The following DGKK variants were observed in gnomAD, a reference collection of about 807,000 sequenced individuals.
The protein encoded by DGKK is 142 kDa diacylglycerol kinase.
A neutral mutation model predicts 92.2 loss-of-function variants in DGKK; 35 were observed. That is an observed-to-expected ratio of 0.38 (90% CI 0.29 to 0.50). DGKK has a LOEUF of 0.50. Among genes scored for constraint, DGKK ranks in the 20% least tolerant of loss-of-function variants. The probability of loss-of-function intolerance (pLI) is 0.92; values close to 1 mark genes in which losing one functional copy is unlikely to be tolerated. For synonymous variants in DGKK, 368 were observed against 360.6 expected (o/e 1.02, Z -0.23); for missense variants, 910 against 992.2 (o/e 0.92, Z 1.11).
chrX:50,403,017 C>T (rs781848074), intron 7 of DGKK, 44 bp downstream of exon 7: 2 of 1,194,727 alleles, frequency 1.7e-6, no homozygotes, highest in Admixed American at 2.2e-5. Flanking sequence ...CACTCCCTCG[C>T]CAGGAGTTAA....
intron 1 of DGKK, among the ~76,000 whole-genome samples, chrX:50,434,980 G>A (rs189319366): frequency 1.8e-5 from 2 of 112,256 alleles, no homozygotes; most frequent in East Asian, 5.6e-4. Context: ...TAGATACCTA[G>A]ATGGTATTGC....
At chrX:50,376,440 G>A (rs1924274543) in intron 23 of DGKK, among the ~76,000 whole-genome samples, 1 of 111,760 alleles carries the variant, frequency 8.9e-6, no homozygotes, top group African/African-American at 3.3e-5. Context: ...AACAGAGGAG[G>A]GCAGCTGACT....
At chrX:50,393,404 T>A in intron 8 of DGKK, 69 bp from the exon 9 acceptor site, 1 of 906,068 alleles carries the variant, frequency 1.1e-6, no homozygotes, top group Non-Finnish European at 1.5e-6. Context: ...AGACATGACT[T>A]AACATCACAT....
intron 1 of DGKK, among the ~76,000 whole-genome samples, chrX:50,464,141 G>T (rs1351700400): frequency 6.1e-5 from 6 of 97,700 alleles, no homozygotes; most frequent in Admixed American, 3.3e-4. Context: ...AAAAAAATCG[G>T]TTTTTTTTTT....
rs782604111 is a variant in DGKK at position 50,422,640 on chromosome X, T to C, written c.757-114A>G. 128 of 374,482 alleles carry C rather than the reference T, an allele frequency of 3.4e-4. 2 individuals carry two copies. The highest frequency in any genetic ancestry group is 1.1e-3 in the Middle Eastern group (2 of 1,758). 30.9% of individuals were successfully genotyped at this position (374,482 alleles called of 1,213,427 possible). ...CACACACACACACACACACACTTAC[T>C]GACAGGCATTTGTGGCAGTCATGAT... On this transcript the variant is annotated intron_variant, in intron 2 of 27. Transcript: ENST00000611977.
At chrX:50,464,383 C>A (rs1467239943) in intron 1 of DGKK, among the ~76,000 whole-genome samples, 1 of 109,795 alleles carries the variant, frequency 9.1e-6, no homozygotes, top group African/African-American at 3.3e-5. Context: ...TCCCGCACCC[C>A]CCGCGCCCCT....
At position 50,374,999 on chromosome X, in the gene DGKK, T is replaced by A; in HGVS notation, c.3473A>T (p.Asp1158Val). ...CTTTTCATCCAGGAAAGCTGTGGTG[T>A]CATCGTAGAGACCTTTAAGACTAAA... ...VTFSLKGLYDDTTAFLDEKLL... is the reference protein window; with the variant it reads ...VTFSLKGLYDVTTAFLDEKLL... Residue 1158 changes from aspartate to valine, a missense_variant, in exon 25 of 28, where the codon GAC (aspartate) becomes GTC (valine). Physicochemically the swap from Asp to Val is radical, Grantham distance 152 (BLOSUM62 -3). Coordinates refer to ENST00000611977, the MANE Select transcript of DGKK (RefSeq NM_001013742.4). The A allele has an allele frequency of 8.3e-7, 1 of 1,209,904 alleles. No homozygotes were observed. Among genetic ancestry groups the A allele is most frequent in the Non-Finnish European group, 1.1e-6 (1 of 894,493 alleles).
At chrX:50,432,908 G>A (rs915102803) in intron 1 of DGKK, among the ~76,000 whole-genome samples, 24 of 111,638 alleles carry the variant, frequency 2.1e-4, no homozygotes, top group Middle Eastern at 4.6e-3. Context: ...TCCTAGGGAG[G>A]GTAAGGATCA....
chrX:50,447,328 A>ATATATATATATATAT (rs1557231986), intron 1 of DGKK, among the ~76,000 whole-genome samples: 1,156 of 19,196 alleles, frequency 0.06, 120 homozygotes, highest in East Asian at 0.31. Flanking sequence ...GTGTGTATGT[A>ATATATATATATATAT]TATATATATA....
intron 12 of DGKK, among the ~76,000 whole-genome samples, chrX:50,389,246 C>T (rs1275904212): frequency 1.8e-5 from 2 of 112,097 alleles, no homozygotes; most frequent in Non-Finnish European, 3.8e-5. Flanking sequence ...CTCTCTATCA[C>T]CCTTGACATT....
Position 50,392,442 on chromosome X carries a change from T to C in DGKK, c.1603A>G (p.Met535Val). 1.7e-6 allele frequency: 2 copies of C among 1,208,258 alleles called. No individual in the cohort carries two copies. The highest frequency in any genetic ancestry group is 2.2e-6 in the Non-Finnish European group (2 of 892,210). The change falls in exon 10 of 28, where the codon ATG (methionine) becomes GTG (valine). Residue 535 changes from methionine to valine, a missense_variant. Transcript: ENST00000611977. Reference protein sequence around the residue: ...LKGGPEAGLSMFKNFARFRIL... With the variant: ...LKGGPEAGLSVFKNFARFRIL... ...CGAAAGCGAGCAAAGTTCTTGAACA[T>C]AGACAGCCTGGAAGGACAAAGAGGA...
At chrX:50,464,195 T>C (rs1307465010) in intron 1 of DGKK, among the ~76,000 whole-genome samples, 4 of 108,493 alleles carry the variant, frequency 3.7e-5, no homozygotes, top group Non-Finnish European at 3.8e-5. Context: ...CTTTGTGACA[T>C]TGAAGTACTT....
intron 18 of DGKK, 92 bp from the exon 19 acceptor site, chrX:50,380,169 A>C: frequency 2.7e-6 from 2 of 747,370 alleles, no homozygotes; most frequent in Non-Finnish European, 4.1e-6. Context: ...CTTACTTCTC[A>C]AATGCCTTCT....
chrX:50,458,966 C>T (rs782757211), intron 1 of DGKK, among the ~76,000 whole-genome samples: 13 of 111,470 alleles, frequency 1.2e-4, no homozygotes, highest in South Asian at 3.7e-4. Context: ...ATTGTTCCTA[C>T]GTTCCTCAAA....
intron 1 of DGKK, among the ~76,000 whole-genome samples, chrX:50,461,119 T>C (rs1362366484): frequency 5.4e-5 from 6 of 112,090 alleles, no homozygotes; most frequent in African/African-American, 1.6e-4. Flanking sequence ...ACTGCAACAA[T>C]TGTGTCTACA....
intron 26 of DGKK, among the ~76,000 whole-genome samples, chrX:50,371,460 A>G (rs187810178): frequency 9.3e-4 from 104 of 111,953 alleles, no homozygotes; most frequent in Middle Eastern, 4.6e-3. Context: ...TTTCTTGATC[A>G]TCTCTTGTTA....
At chrX:50,391,374 T>A (rs781847661) in intron 11 of DGKK, 63 bp downstream of exon 11, 2 of 1,140,950 alleles carry the variant, frequency 1.8e-6, no homozygotes, top group African/African-American at 3.6e-5. Context: ...TATTCCTGAT[T>A]GAGATGATGT....
intron 1 of DGKK, among the ~76,000 whole-genome samples, chrX:50,467,914 A>C (rs1313357967): frequency 8.9e-6 from 1 of 112,568 alleles, no homozygotes; most frequent in East Asian, 2.8e-4. Flanking sequence ...GCCACTGATT[A>C]GTTAATCTGC....
In DGKK at chrX:50,382,439, C is replaced by T. The variant is rs1396610446; in HGVS notation, c.2657+57G>A. The T allele has an allele frequency of 6.0e-5, 51 of 844,802 alleles. 1 individual carries two copies. The highest frequency in any genetic ancestry group is 1.2e-4 in the African/African-American group (6 of 49,072). The allele number at this position is 844,802 out of a possible 1,213,427, so 69.6% of individuals were successfully genotyped here. A position where few individuals can be genotyped will look rare whatever the true frequency, so the allele number is the denominator to read the frequency against. ...CTGAGAGGTAGAGAATGTAGGAATA[C>T]GTATGTGTATTGTGATAGTGTGTTT... is the stretch of plus-strand genomic sequence containing the variant. On this transcript the variant is annotated intron_variant, in intron 18 of 27. Transcript: ENST00000611977.
Sources: gnomAD v4.1 joint callset for allele counts (sites outside exome capture counted in the v4.1 genomes callset) on GRCh38, gnomAD v4.1.1 for gene constraint, MANE v1.5 for transcripts, NCBI Gene and HGNC (gene_info 2026-07-23, HGNC 2026-07-21) for gene names.